ROBO2: variants seen among roughly 807,000 people sequenced by gnomAD.
The protein encoded by ROBO2 is roundabout homolog 2.
In ROBO2, 53 loss-of-function variants were observed where a neutral mutation model predicts 160.8. That is an observed-to-expected ratio of 0.33 (90% CI 0.26 to 0.41). The LOEUF (loss-of-function observed/expected upper bound fraction) is 0.41, where lower values mean the gene tolerates loss of function less well. ROBO2 is among the 10% of genes least tolerant of loss of function. The pLI is 1.00. For synonymous variants in ROBO2, 664 were observed against 611.7 expected (o/e 1.09, Z -1.26); for missense variants, 1,577 against 1,722.4 (o/e 0.92, Z 1.49).
chr3:75,980,724 A>C (rs1056460947), intron 2 of ROBO2, among the ~76,000 whole-genome samples: 1 of 151,538 alleles, frequency 6.6e-6, no homozygotes, highest in African/African-American at 2.4e-5. Context: ...GGACACATAT[A>C]TCTCTGACAA....
intron 21 of ROBO2, among the ~76,000 whole-genome samples, chr3:77,616,057 G>A (rs1177840533): frequency 1.3e-5 from 2 of 152,130 alleles, no homozygotes; most frequent in East Asian, 3.9e-4. Flanking sequence ...ACAAAATAGT[G>A]GGAGAAAAGA....
At chr3:76,634,999 T>G (rs1224316301) in intron 2 of ROBO2, among the ~76,000 whole-genome samples, 1 of 152,220 alleles carries the variant, frequency 6.6e-6, no homozygotes, top group Admixed American at 6.5e-5. Context: ...TCTGATGATC[T>G]GAGGTGGAAC....
chr3:76,006,378 C>A (rs999803851), intron 2 of ROBO2, among the ~76,000 whole-genome samples: 2 of 152,068 alleles, frequency 1.3e-5, no homozygotes, highest in African/African-American at 4.8e-5. Flanking sequence ...CATTTCTTAC[C>A]ATTTTTAGCC....
intron 2 of ROBO2, among the ~76,000 whole-genome samples, chr3:76,143,723 A>T (rs2071773291): frequency 6.6e-6 from 1 of 152,190 alleles, no homozygotes; most frequent in Non-Finnish European, 1.5e-5. Flanking sequence ...AGATTGGTAG[A>T]TCAAGAGATG....
intron 2 of ROBO2, among the ~76,000 whole-genome samples, chr3:77,401,896 AT>A (rs2075828965): frequency 1.3e-5 from 2 of 152,184 alleles, no homozygotes; most frequent in Non-Finnish European, 2.9e-5. Context: ...GTGTAAAAGC[AT>A]TCCTGTTTCT....
At chr3:77,112,060 ATAGT>A (rs2073658314) in intron 2 of ROBO2, among the ~76,000 whole-genome samples, 1 of 151,686 alleles carries the variant, frequency 6.6e-6, no homozygotes, top group Non-Finnish European at 1.5e-5. Context: ...AAAAAATACA[ATAGT>A]TAGCCGGGTG....
At chr3:76,688,388 A>G (rs2092728191) in intron 2 of ROBO2, among the ~76,000 whole-genome samples, 1 of 152,056 alleles carries the variant, frequency 6.6e-6, no homozygotes. Flanking sequence ...TCAGATTTAA[A>G]TCAGGAGATG....
chr3:76,015,607 G>A (rs1440401892), intron 2 of ROBO2, among the ~76,000 whole-genome samples: 1 of 152,178 alleles, frequency 6.6e-6, no homozygotes, highest in African/African-American at 2.4e-5. Flanking sequence ...TCTGGTATGG[G>A]AAGAAGAAAG....
At chr3:77,211,438 T>C (rs2151099203) in intron 2 of ROBO2, among the ~76,000 whole-genome samples, 1 of 152,340 alleles carries the variant, frequency 6.6e-6, no homozygotes, top group South Asian at 2.1e-4. Context: ...ATGGGGTTGT[T>C]TCTTTCTTGT....
intron 2 of ROBO2, among the ~76,000 whole-genome samples, chr3:76,033,715 AAT>A (rs1166565830): frequency 6.6e-6 from 1 of 152,170 alleles, no homozygotes; most frequent in Non-Finnish European, 1.5e-5. Flanking sequence ...TCCATGATTG[AAT>A]GGTTTTGGCT....
intron 6 of ROBO2, among the ~76,000 whole-genome samples, chr3:77,533,893 T>C (rs2091922238): frequency 6.6e-6 from 1 of 152,134 alleles, no homozygotes; most frequent in African/African-American, 2.4e-5. Flanking sequence ...GGCTTTTTTT[T>C]TTTCTTTCTG....
chr3:75,942,079 G>T (rs1258236138), intron 2 of ROBO2, among the ~76,000 whole-genome samples: 1 of 152,030 alleles, frequency 6.6e-6, no homozygotes. Context: ...AAATTTAAGT[G>T]ATTGTATAAT....
chr3:76,037,647 C>G (rs1448381839), intron 2 of ROBO2, among the ~76,000 whole-genome samples: 1 of 151,900 alleles, frequency 6.6e-6, no homozygotes, highest in Non-Finnish European at 1.5e-5. Flanking sequence ...TGGGGATTGA[C>G]TAAAAACAAC....
chr3:77,074,564 C>T (rs752794541), intron 1 of ROBO2, among the ~76,000 whole-genome samples: 72 of 152,198 alleles, frequency 4.7e-4, no homozygotes, highest in Non-Finnish European at 9.1e-4. Flanking sequence ...GAAGAAGAAC[C>T]GATACAGCTA....
At chr3:77,028,864 G>C (rs1185925498) in intron 2 of ROBO2, among the ~76,000 whole-genome samples, 2 of 152,092 alleles carry the variant, frequency 1.3e-5, no homozygotes, top group African/African-American at 4.8e-5. Flanking sequence ...CTTTTATTGT[G>C]TGTGTGTGAA....
At chr3:75,982,408 C>CT (rs1171637028) in intron 2 of ROBO2, among the ~76,000 whole-genome samples, 1 of 151,424 alleles carries the variant, frequency 6.6e-6, no homozygotes, top group Non-Finnish European at 1.5e-5. Context: ...CAAATGTTTC[C>CT]TTTTTTCCAC....
intron 2 of ROBO2, among the ~76,000 whole-genome samples, chr3:76,948,579 ATTTTTTTTTT>A (rs757654181): frequency 9.6e-5 from 9 of 93,664 alleles, no homozygotes; most frequent in African/African-American, 3.6e-4. Flanking sequence ...TTATAATCTA[ATTTTTTTTTT>A]TTTTTTTTTT....
chr3:77,216,626 C>T (rs890589417), intron 2 of ROBO2, among the ~76,000 whole-genome samples: 2 of 152,176 alleles, frequency 1.3e-5, no homozygotes, highest in Non-Finnish European at 2.9e-5. Flanking sequence ...GAACCCGGTA[C>T]CTCAGTTGGA....
At chr3:77,200,273 A>T (rs1252153954) in intron 2 of ROBO2, among the ~76,000 whole-genome samples, 1 of 17,608 alleles carries the variant, frequency 5.7e-5, no homozygotes, top group South Asian at 1.8e-3. Flanking sequence ...TATTTTATAT[A>T]TATATATATA....
Sources: allele counts gnomAD v4.1 joint callset (sites outside exome capture counted in the v4.1 genomes callset), GRCh38; gene constraint gnomAD v4.1.1; transcripts MANE v1.5; gene names NCBI Gene and HGNC (gene_info 2026-07-23, HGNC 2026-07-21).